The following LRBA variants were observed in gnomAD, a reference collection of about 807,000 sequenced individuals.
The protein encoded by LRBA is LPS responsive beige-like anchor protein.
A neutral mutation model predicts 330.0 loss-of-function variants in LRBA; 176 were observed. The ratio of observed to expected loss-of-function variants is 0.53; its 90% CI spans 0.47 to 0.60. The LOEUF (loss-of-function observed/expected upper bound fraction) is 0.60. LRBA is among the 20% of genes least tolerant of loss of function. LRBA has a pLI of 0.00. For synonymous variants in LRBA, 1,230 were observed against 1,193.0 expected, an observed-to-expected ratio of 1.03 and a Z score of -0.64; for missense variants, 3,259 against 3,444.8, an observed-to-expected ratio of 0.95 and a Z score of 1.35.
intron 50 of LRBA, among the ~76,000 whole-genome samples, chr4:150,318,390 T>C (rs1434928655): frequency 2.6e-5 from 4 of 152,126 alleles, no homozygotes; most frequent in Non-Finnish European, 5.9e-5. Context: ...GAACCAGCTG[T>C]CTAATGAATG....
chr4:150,895,778 T>C (rs755986447), intron 16 of LRBA, among the ~76,000 whole-genome samples: 16 of 152,222 alleles, frequency 1.1e-4, no homozygotes, highest in Non-Finnish European at 2.2e-4. Flanking sequence ...GCATGATTTA[T>C]AATCCTTTGG....
At chr4:151,014,364 T>G in intron 2 of LRBA, 63 bp downstream of exon 2, 7 of 1,386,090 alleles carry the variant, frequency 5.1e-6, no homozygotes, top group Non-Finnish European at 7.1e-6. Context: ...GGCTCCAGCT[T>G]TAAGATCTTG....
At chr4:150,754,662 A>G (rs1734050044) in intron 35 of LRBA, among the ~76,000 whole-genome samples, 1 of 152,120 alleles carries the variant, frequency 6.6e-6, no homozygotes, top group Non-Finnish European at 1.5e-5. Flanking sequence ...GAGCACAGTA[A>G]CTCACGCCTG....
intron 47 of LRBA, among the ~76,000 whole-genome samples, chr4:150,369,233 T>G (rs1739910548): frequency 6.6e-6 from 1 of 152,202 alleles, no homozygotes; most frequent in Non-Finnish European, 1.5e-5. Flanking sequence ...GTCTTTTAAC[T>G]ATCTCATTCT....
At chr4:150,701,219 T>A (rs967237854) in intron 36 of LRBA, among the ~76,000 whole-genome samples, 1 of 152,116 alleles carries the variant, frequency 6.6e-6, no homozygotes, top group Non-Finnish European at 1.5e-5. Context: ...GTAACATGCA[T>A]GGAGCTCTCA....
intron 7 of LRBA, among the ~76,000 whole-genome samples, 161 bp from the exon 8 acceptor site, chr4:150,915,888 A>G (rs999267285): frequency 6.6e-6 from 1 of 152,148 alleles, no homozygotes; most frequent in Non-Finnish European, 1.5e-5. Context: ...AACAATATCT[A>G]TTCATGGGCC....
At chr4:150,648,329 T>C (rs1779398318) in intron 37 of LRBA, among the ~76,000 whole-genome samples, 1 of 151,916 alleles carries the variant, frequency 6.6e-6, no homozygotes, top group Admixed American at 6.6e-5. Flanking sequence ...GAGCAGTTTC[T>C]GGCAGACAGC....
Position 150,373,562 on chromosome 4 carries a change from T to C in LRBA, c.7195-23403A>G, listed in dbSNP as rs76415092. 9.7e-3 allele frequency among the ~76,000 whole-genome samples: 1,483 copies of C among 152,256 alleles called. 20 individuals are homozygous for C. The highest frequency in any genetic ancestry group is 0.034 in the African/African-American group (1,411 of 41,544). ...GCTGCCATAATTTGTTAGAGAAAAA[T>C]CAAAACATATACTAATAATTTTACT... On this transcript the variant is annotated intron_variant, in intron 47 of 56. Coordinates refer to ENST00000651943, the MANE Select transcript of LRBA (RefSeq NM_001364905.1).
At chr4:150,357,693 G>A (rs922746388) in intron 47 of LRBA, among the ~76,000 whole-genome samples, 1 of 150,368 alleles carries the variant, frequency 6.7e-6, no homozygotes, top group Admixed American at 6.6e-5. Flanking sequence ...TATTAAAAAT[G>A]GATGGGGAAA....
rs762295612 is a variant in LRBA at position 150,265,743 on chromosome 4, A to G, written c.8538T>C (p.His2846=). ...LFYNDFNRWH[H]EYQTRY is the part of the protein sequence containing the mutation. ...ACCATCAGTAGCGGGTTTGGTATTC[A>G]TGATGCCACCGGTTAAAGTCGTTGT... The change falls in exon 57 of 57, where the codon CAT becomes CAC. Residue 2846 remains histidine, a synonymous_variant. Transcript: ENST00000651943. The G allele has an allele frequency of 6.2e-7, 1 of 1,613,368 alleles. No individual in the cohort carries two copies. The highest frequency in any genetic ancestry group is 1.3e-5 in the African/African-American group (1 of 74,928).
chr4:150,628,730 G>A (rs572815402), intron 37 of LRBA, among the ~76,000 whole-genome samples: 93 of 152,238 alleles, frequency 6.1e-4, no homozygotes, highest in Admixed American at 2.0e-4. Flanking sequence ...TACTTCCATT[G>A]AACATAAGGC....
At chr4:150,376,788 T>A (rs900909413) in intron 47 of LRBA, among the ~76,000 whole-genome samples, 1 of 152,156 alleles carries the variant, frequency 6.6e-6, no homozygotes, top group Non-Finnish European at 1.5e-5. Flanking sequence ...CCCGGGTGTT[T>A]TTGTTTTGTT....
chr4:150,643,015 C>A (rs922416652), intron 37 of LRBA, among the ~76,000 whole-genome samples: 1 of 151,800 alleles, frequency 6.6e-6, no homozygotes, highest in Non-Finnish European at 1.5e-5. Context: ...TTTCATTTAA[C>A]CCACATAAAA....
intron 37 of LRBA, among the ~76,000 whole-genome samples, chr4:150,617,684 C>G (rs1373731839): frequency 6.6e-6 from 1 of 152,186 alleles, no homozygotes; most frequent in Non-Finnish European, 1.5e-5. Flanking sequence ...AACTTAATGT[C>G]TATGTGAGAG....
chr4:150,874,775 C>T (rs1316174686), intron 17 of LRBA, among the ~76,000 whole-genome samples: 1 of 152,226 alleles, frequency 6.6e-6, no homozygotes, highest in Non-Finnish European at 1.5e-5. Context: ...GGCAGATCTC[C>T]AGGCAACTGA....
intron 37 of LRBA, among the ~76,000 whole-genome samples, chr4:150,670,935 T>C (rs1021011355): frequency 2.6e-5 from 4 of 152,084 alleles, no homozygotes; most frequent in African/African-American, 9.6e-5. Flanking sequence ...CCCACAATTA[T>C]TGGAGCAATT....
At chr4:150,507,291 C>G (rs148959730) in intron 40 of LRBA, among the ~76,000 whole-genome samples, 2,476 of 152,234 alleles carry the variant, frequency 0.016, 73 homozygotes, top group African/African-American at 0.055. Flanking sequence ...GCCAAAAGAA[C>G]AAAGCTGGAG....
chr4:150,462,763 ATC>A (rs1754941323), intron 44 of LRBA, among the ~76,000 whole-genome samples: 1 of 152,042 alleles, frequency 6.6e-6, no homozygotes, highest in South Asian at 2.1e-4. Context: ...CGGAGATAAG[ATC>A]TGTTTGTATT....
chr4:150,804,921 C>A (rs1180904345), intron 33 of LRBA, among the ~76,000 whole-genome samples: 3 of 151,942 alleles, frequency 2.0e-5, no homozygotes, highest in African/African-American at 7.3e-5. Flanking sequence ...CTCCAGCCTA[C>A]ACAACAAAGC....
Sources: allele counts gnomAD v4.1 joint callset (sites outside exome capture counted in the v4.1 genomes callset), GRCh38; gene constraint gnomAD v4.1.1; transcripts MANE v1.5; gene names NCBI Gene and HGNC (gene_info 2026-07-23, HGNC 2026-07-21).